The following CATSPER2 variants were observed in gnomAD, a reference collection of about 807,000 sequenced individuals.
CATSPER2 encodes the protein cation channel sperm associated 2, also known as cation channel sperm-associated protein 2.
CATSPER2 carries 56 observed loss-of-function variants against 68.8 expected under a neutral mutation model. The ratio of observed to expected loss-of-function variants is 0.81; its 90% CI spans 0.66 to 1.02. The LOEUF (loss-of-function observed/expected upper bound fraction) is 1.02, where lower values mean the gene tolerates loss of function less well. Among genes scored for constraint, CATSPER2 ranks in the 50% least tolerant of loss-of-function variants. The pLI is 0.00. For missense variants in CATSPER2, 582 were observed against 642.0 expected (o/e 0.91, Z 1.01); for synonymous variants, 198 against 229.9 (o/e 0.86, Z 1.26).
chr15:43,647,523 A>G, intron 2 of CATSPER2, 56 bp from the exon 3 acceptor site: 1 of 1,543,424 alleles, frequency 6.5e-7, no homozygotes, highest in South Asian at 1.1e-5. Flanking sequence ...TAGACCAGGT[A>G]GGGTTGGGGG....
Position 43,646,833 on chromosome 15 carries a change from G to A in CATSPER2, c.388+217C>T, listed in dbSNP as rs543996921. Among the ~76,000 whole-genome samples the A allele has an allele frequency of 4.9e-3, 734 of 151,004 alleles. 12 individuals carry two copies. Among genetic ancestry groups the A allele is most frequent in the South Asian group, 0.021 (100 of 4,782 alleles). ...GGGTTTAAGCGATTCTCCTGCCTCA[G>A]CCTCCCAAGTAGCTGGGACTACAAG... On this transcript the variant is annotated intron_variant, in intron 4 of 12. Coordinates refer to ENST00000396879, the MANE Select transcript of CATSPER2 (RefSeq NM_172095.4).
In CATSPER2 at chr15:43,631,430, C is replaced by T. The variant is rs1478169832; in HGVS notation, c.1562-698G>A. 3 of 211,828 alleles carry T rather than the reference C, an allele frequency of 1.4e-5. No homozygotes were observed. In the East Asian group the frequency reaches 3.9e-4, roughly 27 times the overall value. The allele number at this position is 211,828 out of a possible 1,614,324, so 13.1% of individuals were successfully genotyped here. ...TATTTTAGTAGAGACAGGGTCTCAC[C>T]ATGTTGGCCAGGATGATCCTAATCT... On this transcript the variant is annotated intron_variant, in intron 12 of 12. Coordinates refer to ENST00000396879, the MANE Select transcript of CATSPER2 (RefSeq NM_172095.4).
At position 43,640,183 on chromosome 15, in the gene CATSPER2, T is replaced by G. The variant is rs1329163776; in HGVS notation, c.561+141A>C. On this transcript the variant is annotated intron_variant, in intron 5 of 12. Transcript: ENST00000396879. ...CAACAACTCCTGCAATGATTGATGT[T>G]TAGTTTTAGGGAAAAAAAATCAAAA... 27 of 1,561,186 alleles carry G rather than the reference T, an allele frequency of 1.7e-5. 1 individual carries two copies. Among genetic ancestry groups the G allele is most frequent in the East Asian group, 1.2e-4 (5 of 42,254 alleles).
intron 10 of CATSPER2, chr15:43,633,548 A>C (rs764756546): frequency 8.8e-5 from 14 of 158,904 alleles, no homozygotes; most frequent in East Asian, 1.8e-4. Context: ...CCTATTAACA[A>C]TCTTCTTACA....
At chr15:43,644,088 T>C (rs1249725486) in intron 4 of CATSPER2, among the ~76,000 whole-genome samples, 1 of 151,998 alleles carries the variant, frequency 6.6e-6, no homozygotes, top group African/African-American at 2.4e-5. Context: ...AGAAACAAAA[T>C]ATGAGATTTT....
intron 7 of CATSPER2, among the ~76,000 whole-genome samples, chr15:43,636,933 T>C (rs540814644): frequency 3.3e-5 from 5 of 149,672 alleles, no homozygotes; most frequent in African/African-American, 1.2e-4. Context: ...AGCACTTCTC[T>C]CACCTCAGCC....
At chr15:43,632,645 A>C (rs553277628) in intron 11 of CATSPER2, 72 bp downstream of exon 11, 3 of 1,608,984 alleles carry the variant, frequency 1.9e-6, no homozygotes, top group Non-Finnish European at 2.5e-6. Flanking sequence ...AGCTCCTGTT[A>C]AGACTAAGAT....
At position 43,632,181 on chromosome 15, in the gene CATSPER2, A is replaced by C. The variant is rs774170910; in HGVS notation, c.1561+18T>G. On this transcript the variant is annotated intron_variant, in intron 12 of 12. Transcript: ENST00000396879. ...TATATATATTCCCATGGTCCCCATG[A>C]CTGCCCTAACTCCATACCTGCAAAC... 6.2e-6 allele frequency: 10 copies of C among 1,611,738 alleles called. No individual in the cohort carries two copies.
chr15:43,641,131 T>C (rs902014653), intron 4 of CATSPER2, among the ~76,000 whole-genome samples: 4 of 151,684 alleles, frequency 2.6e-5, no homozygotes, highest in Non-Finnish European at 5.9e-5. Flanking sequence ...TGTTTTTTTT[T>C]TTGAGATGGA....
Position 43,648,670 on chromosome 15 carries a change from G to A in CATSPER2, c.-44C>T, listed in dbSNP as rs189024908. ...TTTGCCCACTCAGTCCTTATTTCAC[G>A]CTTCCGCCTCCAGCTCAGGTGCCCC... On this transcript the variant is annotated 5_prime_UTR_variant, in exon 1 of 13. Transcript: ENST00000396879. 5,084 of 1,419,388 alleles carry A rather than the reference G, an allele frequency of 3.6e-3. 61 individuals are homozygous for A. The highest frequency in any genetic ancestry group is 4.3e-3 in the Non-Finnish European group (4,686 of 1,090,344). 87.9% of individuals were successfully genotyped at this position (1,419,388 alleles called of 1,614,324 possible).
chr15:43,630,714 A>T lies in CATSPER2; in HGVS notation c.1580T>A (p.Leu527Ter), dbSNP rs551873150. The part of the protein sequence containing the change: ...QEFAVQALMN[L>*]EDK Reference sequence around the variant, plus strand: ...CCATCCATTGCTTTACTTGTCTTCCAAGTTCATCAGTGCCTGCACTGCAAA... The same window carrying T: ...CCATCCATTGCTTTACTTGTCTTCCTAGTTCATCAGTGCCTGCACTGCAAA... The change falls in exon 13 of 13, where the codon TTG (leucine) becomes TAG (stop). Residue 527 changes from leucine (L) to a stop codon, truncating the protein, a stop_gained. Transcript: ENST00000396879. LOFTEE classifies it high-confidence loss of function. 7 of 1,612,066 alleles carry T rather than the reference A, an allele frequency of 4.3e-6. No homozygotes were observed. In the East Asian group the frequency reaches 1.6e-4, roughly 36 times the overall value.
Position 43,647,347 on chromosome 15 carries a change from A to C in CATSPER2, c.266T>G (p.Val89Gly), listed in dbSNP as rs1370688341. The C allele has an allele frequency of 6.2e-7, 1 of 1,612,654 alleles. No homozygotes were observed. Reference sequence around the variant, plus strand: ...AAGAGGTGGCCTCTGACTGCAGCGCACATGAAGCCTGCTCAACAGCCTCTG... The same window carrying C: ...AAGAGGTGGCCTCTGACTGCAGCGCCCATGAAGCCTGCTCAACAGCCTCTG... ...HAQRLLSRLH[V>G]RCSQRPPLSL... The change falls in exon 3 of 13, where the codon GTG (valine) becomes GGG (glycine). Residue 89 changes from valine to glycine, a missense_variant. Coordinates refer to ENST00000396879, the MANE Select transcript of CATSPER2 (RefSeq NM_172095.4).
chr15:43,632,770 G>A lies in CATSPER2; in HGVS notation c.1343C>T (p.Ser448Phe). 1 of 1,613,720 alleles carries A rather than the reference G, an allele frequency of 6.2e-7. No homozygotes were observed. Among genetic ancestry groups the A allele is most frequent in the East Asian group, 2.2e-5 (1 of 44,866 alleles). Residue 448 changes from serine (S) to phenylalanine (F), a missense_variant, in exon 11 of 13, where the codon TCC (serine) becomes TTC (phenylalanine). Transcript: ENST00000396879. The part of the protein sequence containing the change: ...REYQSSSCVS[S>F]TSSSYSSSSE... ...AGAGGAAGAATAGGAAGAGGATGTG[G>A]AGGAGACACAGGAGGAAGACTGGTA...
chr15:43,636,950 G>C (rs188551717), intron 7 of CATSPER2, among the ~76,000 whole-genome samples: 1 of 151,208 alleles, frequency 6.6e-6, no homozygotes, highest in African/African-American at 2.4e-5. Flanking sequence ...AGCCTCCCGA[G>C]TAGTTGGGAT....
chr15:43,645,265 A>C lies in CATSPER2; in HGVS notation c.388+1785T>G, dbSNP rs1474723294. The stretch of plus-strand genomic sequence containing the variant: ...GAGATGAGGTTTCTCCACATTGGCC[A>C]GGCTGGTCTCAAACTCCTGAGCTCA... On this transcript the variant is annotated intron_variant, in intron 4 of 12. Coordinates refer to ENST00000396879, the MANE Select transcript of CATSPER2 (RefSeq NM_172095.4). Among the ~76,000 whole-genome samples, 3 of 151,578 alleles carry C rather than the reference A, an allele frequency of 2.0e-5. 1 individual carries two copies. Among genetic ancestry groups the C allele is most frequent in the Non-Finnish European group, 4.4e-5 (3 of 67,890 alleles).
intron 12 of CATSPER2, 136 bp downstream of exon 12, chr15:43,632,063 A>T: frequency 1.1e-6 from 1 of 941,358 alleles, no homozygotes; most frequent in Non-Finnish European, 1.7e-6. Context: ...CAAGAATTTT[A>T]GTTTCTGCCT....
intron 4 of CATSPER2, among the ~76,000 whole-genome samples, chr15:43,646,306 GA>G (rs780857912): frequency 1.5e-4 from 23 of 149,082 alleles, no homozygotes; most frequent in Non-Finnish European, 2.2e-4. Flanking sequence ...TTTTTTTTGA[GA>G]TGGGGTGCAG....
chr15:43,641,645 T>A (rs2086076056), intron 4 of CATSPER2, among the ~76,000 whole-genome samples: 1 of 151,920 alleles, frequency 6.6e-6, no homozygotes, highest in Non-Finnish European at 1.5e-5. Context: ...AATACTTCAA[T>A]CATCCCTAGA....
intron 12 of CATSPER2, chr15:43,631,562 G>T (rs561757256): frequency 6.5e-5 from 24 of 371,926 alleles, no homozygotes; most frequent in African/African-American, 3.5e-4. Context: ...ATTGTATTAA[G>T]CCAAATTAGT....
Sources: allele counts gnomAD v4.1 joint callset (sites outside exome capture counted in the v4.1 genomes callset), GRCh38; gene constraint gnomAD v4.1.1; transcripts MANE v1.5; gene names NCBI Gene and HGNC (gene_info 2026-07-23, HGNC 2026-07-21).